The following GINM1 variants were observed in gnomAD, a reference collection of about 807,000 sequenced individuals.
GINM1 encodes the protein glycosylated integral membrane protein 1.
GINM1 carries 29 observed loss-of-function variants against 37.8 expected under a neutral mutation model. The ratio of observed to expected loss-of-function variants is 0.77; its 90% CI spans 0.57 to 1.05. GINM1 has a LOEUF of 1.05. GINM1 is among the 50% of genes least tolerant of loss of function. The pLI, the probability that GINM1 is intolerant of heterozygous loss-of-function variation, is 0.00. For missense variants in GINM1, 377 were observed against 397.9 expected, an observed-to-expected ratio of 0.95 and a Z score of 0.45; for synonymous variants, 143 against 146.2, an observed-to-expected ratio of 0.98 and a Z score of 0.16.
chr6:149,579,117 TG>T, intron 4 of GINM1, 144 bp downstream of exon 4: 1 of 464,450 alleles, frequency 2.2e-6, no homozygotes, highest in Non-Finnish European at 3.7e-6. Flanking sequence ...TTAGAATTTT[TG>T]TATATTTATT....
At chr6:149,573,986 G>A (rs1311330433) in intron 3 of GINM1, among the ~76,000 whole-genome samples, 1 of 150,654 alleles carries the variant, frequency 6.6e-6, no homozygotes, top group African/African-American at 2.4e-5. Flanking sequence ...AAGCAGGTAT[G>A]TTGCATTGGA....
chr6:149,580,505 C>A, intron 5 of GINM1, 88 bp from the exon 6 acceptor site: 1 of 1,170,830 alleles, frequency 8.5e-7, no homozygotes. Context: ...TGTGTTCTTA[C>A]TATCCTAAAT....
At chr6:149,573,613 GC>G (rs1777863980) in intron 3 of GINM1, among the ~76,000 whole-genome samples, 1 of 152,032 alleles carries the variant, frequency 6.6e-6, no homozygotes, top group African/African-American at 2.4e-5. Context: ...GGGCATGGCG[GC>G]TCTAGCACTT....
At chr6:149,573,081 G>A (rs1036701519) in intron 3 of GINM1, among the ~76,000 whole-genome samples, 1 of 152,160 alleles carries the variant, frequency 6.6e-6, no homozygotes, top group African/African-American at 2.4e-5. Flanking sequence ...CCAACACTTT[G>A]GGAGGCCGAG....
intron 2 of GINM1, 50 bp from the exon 3 acceptor site, chr6:149,572,457 G>A: frequency 7.6e-7 from 1 of 1,313,766 alleles, no homozygotes; most frequent in Non-Finnish European, 1.1e-6. Flanking sequence ...TGAAGAGTTT[G>A]CTATTGTTTA....
intron 6 of GINM1, chr6:149,581,919 A>G: frequency 2.4e-6 from 1 of 421,406 alleles, no homozygotes; most frequent in Non-Finnish European, 4.9e-6. Context: ...GACTGTCTTC[A>G]TAGTCCGTGC....
At position 149,578,698 on chromosome 6, in the gene GINM1, A is replaced by G. The variant is rs73604799; in HGVS notation, c.278-124A>G. Reference sequence around the variant, plus strand: ...GAAACAGCATTGAGGTCAGGGATGAAGAAAGCCAAAGAAATGGGTTTTCAA... The same window carrying G: ...GAAACAGCATTGAGGTCAGGGATGAGGAAAGCCAAAGAAATGGGTTTTCAA... On this transcript the variant is annotated intron_variant, in intron 3 of 7. Coordinates refer to ENST00000367419, the MANE Select transcript of GINM1 (RefSeq NM_138785.5). 5,745 of 617,650 alleles carry G rather than the reference A, an allele frequency of 9.3e-3. 231 individuals carry two copies. The highest frequency in any genetic ancestry group is 0.093 in the African/African-American group (4,998 of 53,770). The allele number at this position is 617,650 out of a possible 1,614,324, so 38.3% of individuals were successfully genotyped here.
At chr6:149,583,645 G>C (rs929341958) in intron 7 of GINM1, among the ~76,000 whole-genome samples, 1 of 145,700 alleles carries the variant, frequency 6.9e-6, no homozygotes, top group Admixed American at 6.9e-5. Flanking sequence ...AAAAAAAAAA[G>C]TAAAAGCAAA....
intron 7 of GINM1, among the ~76,000 whole-genome samples, chr6:149,587,440 G>T (rs1778086339): frequency 6.6e-6 from 1 of 152,158 alleles, no homozygotes; most frequent in African/African-American, 2.4e-5. Context: ...ATTCTGACCA[G>T]CTGGGTATAA....
chr6:149,582,622 T>G lies in GINM1; in HGVS notation c.881+19T>G. ...AATACAAGTAAGTATTTCTTATTTTTGAAATGTTAGTATTTTTAATGATTA... is the reference window on the plus strand; with the variant it reads ...AATACAAGTAAGTATTTCTTATTTTGGAAATGTTAGTATTTTTAATGATTA... On this transcript the variant is annotated intron_variant, in intron 7 of 7. Coordinates refer to ENST00000367419, the MANE Select transcript of GINM1 (RefSeq NM_138785.5). The G allele has an allele frequency of 1.3e-6, 2 of 1,481,924 alleles. No homozygotes were observed. The highest frequency in any genetic ancestry group is 2.5e-5 in the South Asian group (2 of 78,606). 91.8% of individuals were successfully genotyped at this position (1,481,924 alleles called of 1,614,324 possible).
intron 1 of GINM1, among the ~76,000 whole-genome samples, chr6:149,570,174 AT>A (rs1777793887): frequency 3.3e-5 from 3 of 89,754 alleles, no homozygotes; most frequent in Admixed American, 1.2e-4. Context: ...ATATATATAT[AT>A]ATATATATAT....
chr6:149,590,401 T>C (rs1409920214), intron 7 of GINM1, among the ~76,000 whole-genome samples: 1 of 152,196 alleles, frequency 6.6e-6, no homozygotes, highest in Admixed American at 6.5e-5. Context: ...GTGAGTATTA[T>C]TTAGAGAGAG....
At chr6:149,585,217 A>G (rs576487124) in intron 7 of GINM1, among the ~76,000 whole-genome samples, 1 of 152,306 alleles carries the variant, frequency 6.6e-6, no homozygotes, top group East Asian at 1.9e-4. Flanking sequence ...CAGATGCAAT[A>G]TAAAATTAAA....
chr6:149,566,427 C>A lies in GINM1; in HGVS notation c.13C>A (p.Pro5Thr). The A allele has an allele frequency of 6.4e-7, 1 of 1,572,070 alleles. No homozygotes were observed. ...CGGGTTGTCCAAGATGGAGGGCGCT[C>A]CACCGGGGTCGCTCGCCCTCCGGCT... MEGA[P>T]PGSLALRLLL... Residue 5 changes from proline (P) to threonine (T), a missense_variant, in exon 1 of 8, where the codon CCA becomes ACA. By Grantham distance (38) the Pro-to-Thr change is conservative. Transcript: ENST00000367419. This position sits in a 1 kb window ranked among gnomAD's most constrained non-coding sequence, Gnocchi z 4.4.
intron 3 of GINM1, 127 bp from the exon 4 acceptor site, chr6:149,578,695 T>C: frequency 1.6e-6 from 1 of 608,530 alleles, no homozygotes; most frequent in Non-Finnish European, 2.8e-6. Flanking sequence ...AGGTCAGGGA[T>C]GAAGAAAGCC....
intron 1 of GINM1, among the ~76,000 whole-genome samples, chr6:149,569,954 A>G (rs1777784433): frequency 6.6e-6 from 1 of 151,804 alleles, no homozygotes; most frequent in South Asian, 2.1e-4. Flanking sequence ...CTCAAGAACA[A>G]TAAATATGAC....
Position 149,579,864 on chromosome 6 carries a change from A to AT in GINM1, c.464dup (p.Leu155PhefsTer3). On this transcript the variant is annotated frameshift_variant, in exon 5 of 8. Coordinates refer to ENST00000367419, the MANE Select transcript of GINM1 (RefSeq NM_138785.5). LOFTEE classifies it high-confidence loss of function. ...GCAAAAGGATGTCACTGAAATTGATATTTTAGTTAAGAACCGGGGAGTACT... is the reference window on the plus strand; with the variant it reads ...GCAAAAGGATGTCACTGAAATTGATATTTTTAGTTAAGAACCGGGGAGTACT... The AT allele has an allele frequency of 6.2e-7, 1 of 1,600,368 alleles. No homozygotes were observed. The highest frequency in any genetic ancestry group is 8.5e-7 in the Non-Finnish European group (1 of 1,172,784).
chr6:149,582,532 G>A lies in GINM1; in HGVS notation c.810G>A (p.Met270Ile). ...TATTCTTTCAGTTTTTGAACATCAT[G>A]GTGGTTGGAATTACAGGAGCAGCTG... The part of the protein sequence containing the change: ...FPVFFQFLNI[M>I]VVGITGAAVV... The change falls in exon 7 of 8, where the codon ATG becomes ATA. Residue 270 changes from methionine to isoleucine, a missense_variant. Coordinates refer to ENST00000367419, the MANE Select transcript of GINM1 (RefSeq NM_138785.5). The A allele has an allele frequency of 6.2e-7, 1 of 1,612,440 alleles. No homozygotes were observed. The highest frequency in any genetic ancestry group is 8.5e-7 in the Non-Finnish European group (1 of 1,179,448).
chr6:149,590,879 C>T lies in GINM1; in HGVS notation c.*41C>T, dbSNP rs776384195. 1.1e-6 allele frequency: 1 copy of T among 925,486 alleles called. No homozygotes were observed. The highest frequency in any genetic ancestry group is 1.7e-6 in the Non-Finnish European group (1 of 576,512). 57.3% of individuals were successfully genotyped at this position (925,486 alleles called of 1,614,324 possible). A position where few individuals can be genotyped will look rare whatever the true frequency, so the allele number is the denominator to read the frequency against. ...CATGGACTCCGAAGTAGCCTGTTGC[C>T]TCCAAATTTGCCACTTGAATATAAT... On this transcript the variant is annotated 3_prime_UTR_variant, in exon 8 of 8. Transcript: ENST00000367419.
Sources: gnomAD v4.1 joint callset for allele counts (sites outside exome capture counted in the v4.1 genomes callset) on GRCh38, gnomAD v4.1.1 for gene constraint, Gnocchi (gnomAD v3.1) non-coding constraint, MANE v1.5 for transcripts, NCBI Gene and HGNC (gene_info 2026-07-23, HGNC 2026-07-21) for gene names.